Variants in TRABD2B observed in about 807,000 individuals in gnomAD.
TRABD2B encodes the protein TraB domain containing 2B, also known as metalloprotease TIKI2.
TRABD2B carries 14 observed loss-of-function variants against 40.1 expected under a neutral mutation model. The ratio of observed to expected loss-of-function variants is 0.35; its 90% CI spans 0.23 to 0.55. The LOEUF (loss-of-function observed/expected upper bound fraction) is 0.55, where lower values mean the gene tolerates loss of function less well. TRABD2B is among the 20% of genes least tolerant of loss of function. TRABD2B has a pLI of 0.90. For synonymous variants in TRABD2B, 263 were observed against 277.0 expected (o/e 0.95, Z 0.50); for missense variants, 541 against 648.6 (o/e 0.83, Z 1.80).
At chr1:47,941,589 G>A (rs1466061779) in intron 2 of TRABD2B, among the ~76,000 whole-genome samples, 1 of 152,228 alleles carries the variant, frequency 6.6e-6, no homozygotes, top group East Asian at 1.9e-4. Context: ...TCATTTCACA[G>A]TCTCAGTTCT....
chr1:47,893,563 T>A (rs149158891), intron 2 of TRABD2B, among the ~76,000 whole-genome samples: 7 of 152,362 alleles, frequency 4.6e-5, no homozygotes, highest in Non-Finnish European at 8.8e-5. Flanking sequence ...GCCATGCTCT[T>A]AGCGCACCTT....
At chr1:47,816,876 G>C (rs952686889) in intron 2 of TRABD2B, among the ~76,000 whole-genome samples, 7 of 152,168 alleles carry the variant, frequency 4.6e-5, no homozygotes, top group Admixed American at 3.3e-4. Context: ...GCACAGAGAG[G>C]TTAAGTGACT....
intron 2 of TRABD2B, among the ~76,000 whole-genome samples, chr1:47,887,116 T>TA (rs1033737561): frequency 3.3e-5 from 5 of 152,310 alleles, no homozygotes; most frequent in African/African-American, 1.2e-4. Flanking sequence ...TACCTTGAGG[T>TA]AAATCTAGTG....
chr1:47,956,747 C>G (rs1449152399), intron 2 of TRABD2B, among the ~76,000 whole-genome samples: 1 of 152,260 alleles, frequency 6.6e-6, no homozygotes, highest in African/African-American at 2.4e-5. Flanking sequence ...CTCAAGGAGG[C>G]CTGCCTGCCT....
At chr1:47,935,931 C>G (rs1384047274) in intron 2 of TRABD2B, among the ~76,000 whole-genome samples, 1 of 152,236 alleles carries the variant, frequency 6.6e-6, no homozygotes, top group Admixed American at 6.5e-5. Flanking sequence ...TTTTGCTGCT[C>G]ATTAGCTGTG....
chr1:47,902,399 G>A (rs758656051), intron 2 of TRABD2B, among the ~76,000 whole-genome samples: 1 of 152,172 alleles, frequency 6.6e-6, no homozygotes, highest in Non-Finnish European at 1.5e-5. Context: ...GAGAAGAACC[G>A]AGACCCACGA....
In TRABD2B at chr1:47,856,931, T is replaced by G. The variant is rs1037147241; in HGVS notation, c.667-55312A>C. Among the ~76,000 whole-genome samples, 5 of 152,352 alleles carry G rather than the reference T, an allele frequency of 3.3e-5. No individual in the cohort carries two copies. In the East Asian group the frequency reaches 9.7e-4, roughly 29 times the overall value. On this transcript the variant is annotated intron_variant, in intron 2 of 6. Transcript: ENST00000606738. ...CGTACTAGAGGCTGTCAGCCATTGA[T>G]GTGCAGGAGAAGCTGTCACTCAGAG...
At chr1:47,906,415 T>C (rs1376747601) in intron 2 of TRABD2B, among the ~76,000 whole-genome samples, 8 of 152,066 alleles carry the variant, frequency 5.3e-5, no homozygotes, top group Non-Finnish European at 1.0e-4. Flanking sequence ...TTTGATTCAA[T>C]CCAGGCTTTC....
Position 47,943,757 on chromosome 1 carries a change from A to AACACAC in TRABD2B, c.666+50271_666+50276dup, listed in dbSNP as rs10554684. On this transcript the variant is annotated intron_variant, in intron 2 of 6. Coordinates refer to ENST00000606738, the MANE Select transcript of TRABD2B (RefSeq NM_001194986.2). ...AACTATACGTGAGATGCATCCAGAA[A>AACACAC]ACACACACACACACACACACACACA... 5.1e-3 allele frequency among the ~76,000 whole-genome samples: 748 copies of AACACAC among 146,816 alleles called. 4 individuals are homozygous for AACACAC. Among genetic ancestry groups the AACACAC allele is most frequent in the African/African-American group, 0.011 (417 of 39,630 alleles).
intron 2 of TRABD2B, among the ~76,000 whole-genome samples, chr1:47,806,589 G>A (rs1644895036): frequency 6.6e-6 from 1 of 152,214 alleles, no homozygotes. Context: ...CCAGCCACCA[G>A]GAGCTCCAGA....
At chr1:47,880,793 T>A (rs1644292403) in intron 2 of TRABD2B, among the ~76,000 whole-genome samples, 1 of 152,222 alleles carries the variant, frequency 6.6e-6, no homozygotes, top group South Asian at 2.1e-4. Flanking sequence ...CCTCTCACAA[T>A]AAGATATGAG....
chr1:47,876,186 C>A (rs924954999), intron 2 of TRABD2B, among the ~76,000 whole-genome samples: 3 of 152,190 alleles, frequency 2.0e-5, no homozygotes, highest in African/African-American at 7.2e-5. Flanking sequence ...AGCGCGTCAC[C>A]CTCTCTAAGC....
intron 2 of TRABD2B, among the ~76,000 whole-genome samples, chr1:47,923,094 T>C (rs1040032091): frequency 1.3e-5 from 2 of 152,234 alleles, no homozygotes; most frequent in African/African-American, 4.8e-5. Context: ...TCGTGGTTCC[T>C]TGGCCTGAAA....
intron 2 of TRABD2B, among the ~76,000 whole-genome samples, chr1:47,987,434 T>C (rs551011281): frequency 6.6e-6 from 1 of 152,240 alleles, no homozygotes; most frequent in Non-Finnish European, 1.5e-5. Flanking sequence ...GGATTTATGG[T>C]TGGAGATTCT....
chr1:47,878,283 T>A (rs540077248), intron 2 of TRABD2B, among the ~76,000 whole-genome samples: 1 of 152,242 alleles, frequency 6.6e-6, no homozygotes, highest in East Asian at 1.9e-4. Flanking sequence ...ACCACTGCAC[T>A]CCAGTCTGGA....
intron 2 of TRABD2B, among the ~76,000 whole-genome samples, chr1:47,893,473 G>T (rs535106654): frequency 1.3e-5 from 2 of 152,104 alleles, no homozygotes; most frequent in African/African-American, 2.4e-5. Flanking sequence ...AATTCTACTC[G>T]GGTTTCCTGG....
chr1:47,778,609 C>T (rs1644479499), intron 4 of TRABD2B, 65 bp from the exon 5 acceptor site: 3 of 1,186,914 alleles, frequency 2.5e-6, no homozygotes, highest in African/African-American at 1.5e-5. Flanking sequence ...GGGACTGCCC[C>T]AGGCCATCCC....
rs1315399948 is a variant in TRABD2B at position 47,804,417 on chromosome 1, C to A, written c.667-2798G>T. ...TGTCGAGTTGATCCGCTCTCCTTCCCTGGGGGCCTGGGACACAGGCTTCCC... is the reference window on the plus strand; with the variant it reads ...TGTCGAGTTGATCCGCTCTCCTTCCATGGGGGCCTGGGACACAGGCTTCCC... On this transcript the variant is annotated intron_variant, in intron 2 of 6. Coordinates refer to ENST00000606738, the MANE Select transcript of TRABD2B (RefSeq NM_001194986.2). 2.0e-5 allele frequency among the ~76,000 whole-genome samples: 3 copies of A among 152,208 alleles called. No individual in the cohort carries two copies. The East Asian group carries it at 5.8e-4, about 29-fold the overall frequency.
chr1:47,787,995 G>C (rs1644620188), intron 4 of TRABD2B, among the ~76,000 whole-genome samples: 1 of 152,100 alleles, frequency 6.6e-6, no homozygotes, highest in South Asian at 2.1e-4. Flanking sequence ...TTAGGGATCA[G>C]GATGACTTCC....
Sources: gnomAD v4.1 joint callset for allele counts (sites outside exome capture counted in the v4.1 genomes callset) on GRCh38, gnomAD v4.1.1 for gene constraint, MANE v1.5 for transcripts, NCBI Gene and HGNC (gene_info 2026-07-23, HGNC 2026-07-21) for gene names.